Variants in FSTL5 observed in about 807,000 individuals in gnomAD.
FSTL5 encodes follistatin-related protein 5.
A neutral mutation model predicts 89.1 loss-of-function variants in FSTL5; 62 were observed. The ratio of observed to expected loss-of-function variants is 0.70; its 90% confidence interval spans 0.57 to 0.86. FSTL5 has a LOEUF of 0.86. Ranked by LOEUF, FSTL5 falls within the 40% of genes least tolerant of loss-of-function variation. The pLI, the probability that FSTL5 is intolerant of heterozygous loss-of-function variation, is 0.00. For missense variants in FSTL5, 1,057 were observed against 1,001.6 expected (o/e 1.06, Z -0.75); for synonymous variants, 383 against 346.2 (o/e 1.11, Z -1.18).
intron 3 of FSTL5, among the ~76,000 whole-genome samples, chr4:161,921,066 T>C (rs1035952357): frequency 2.6e-5 from 4 of 152,152 alleles, no homozygotes; most frequent in African/African-American, 9.7e-5. Flanking sequence ...GTTCGAACTA[T>C]TACATGTGAT....
chr4:161,982,494 TTTCCCAC>T (rs1474194927), intron 3 of FSTL5, among the ~76,000 whole-genome samples: 1 of 152,204 alleles, frequency 6.6e-6, no homozygotes, highest in African/African-American at 2.4e-5. Flanking sequence ...ATACAAATAT[TTTCCCAC>T]TCTTGTGTTT....
At chr4:161,700,624 G>A (rs139832172) in intron 6 of FSTL5, among the ~76,000 whole-genome samples, 4,004 of 152,072 alleles carry the variant, frequency 0.026, 71 homozygotes, top group Non-Finnish European at 0.038. Flanking sequence ...CAATCCACCC[G>A]CCTGGGCCTC....
At chr4:161,437,580 A>AAAAAAAAAAAAC (rs1560894861) in intron 15 of FSTL5, among the ~76,000 whole-genome samples, 1 of 147,496 alleles carries the variant, frequency 6.8e-6, no homozygotes, top group South Asian at 2.2e-4. Context: ...AAAAAAAAAA[A>AAAAAAAAAAAAC]AACGAGGTCA....
chr4:161,887,612 T>A (rs1317199421), intron 4 of FSTL5, among the ~76,000 whole-genome samples: 2 of 152,166 alleles, frequency 1.3e-5, no homozygotes, highest in Non-Finnish European at 2.9e-5. Flanking sequence ...TTTTCTTAAA[T>A]TCATCTCTCT....
At chr4:161,757,911 G>T (rs1286411327) in intron 6 of FSTL5, among the ~76,000 whole-genome samples, 1 of 152,064 alleles carries the variant, frequency 6.6e-6, no homozygotes, top group Non-Finnish European at 1.5e-5. Context: ...GAGCCACTGC[G>T]CCCTGCCAAT....
intron 12 of FSTL5, among the ~76,000 whole-genome samples, chr4:161,493,855 C>T (rs1001879505): frequency 2.0e-5 from 3 of 152,048 alleles, no homozygotes; most frequent in East Asian, 3.9e-4. Context: ...TATCGATAAT[C>T]TCTTGAAAGG....
At chr4:161,422,905 G>C (rs1404225272) in intron 15 of FSTL5, among the ~76,000 whole-genome samples, 3 of 152,134 alleles carry the variant, frequency 2.0e-5, no homozygotes, top group African/African-American at 7.2e-5. Flanking sequence ...TATTTGGAAA[G>C]GCATTTATAT....
chr4:162,160,711 A>G (rs193278417), intron 1 of FSTL5, among the ~76,000 whole-genome samples: 1 of 151,826 alleles, frequency 6.6e-6, no homozygotes, highest in Admixed American at 6.6e-5. Context: ...TAGGCAAATA[A>G]CTTCTTAAAT....
At chr4:161,422,627 G>A (rs1402725052) in intron 15 of FSTL5, among the ~76,000 whole-genome samples, 2 of 152,094 alleles carry the variant, frequency 1.3e-5, no homozygotes, top group African/African-American at 2.4e-5. Flanking sequence ...TGTATGTATC[G>A]CTAACCCTTG....
intron 2 of FSTL5, among the ~76,000 whole-genome samples, chr4:162,043,473 G>A (rs1170395197): frequency 2.6e-4 from 39 of 152,150 alleles, no homozygotes. Context: ...AGCCTTCAGT[G>A]AGTCACAAGT....
At chr4:161,783,387 G>A (rs999919379) in intron 4 of FSTL5, among the ~76,000 whole-genome samples, 5 of 151,548 alleles carry the variant, frequency 3.3e-5, no homozygotes, top group East Asian at 2.0e-4. Flanking sequence ...ATTTTTTTCC[G>A]GGTAACCTAT....
chr4:161,405,650 C>T (rs1053756874), intron 15 of FSTL5, among the ~76,000 whole-genome samples: 1 of 152,114 alleles, frequency 6.6e-6, no homozygotes, highest in Non-Finnish European at 1.5e-5. Context: ...ATGGCCAACA[C>T]TTTCCAAATT....
chr4:162,043,938 C>T (rs779029362), intron 2 of FSTL5, among the ~76,000 whole-genome samples: 13 of 152,088 alleles, frequency 8.5e-5, no homozygotes, highest in African/African-American at 1.4e-4. Context: ...TTGCTATTTC[C>T]ACAACATCTG....
chr4:161,416,513 A>G (rs1333164105), intron 15 of FSTL5, among the ~76,000 whole-genome samples: 1 of 152,174 alleles, frequency 6.6e-6, no homozygotes, highest in East Asian at 1.9e-4. Flanking sequence ...TTAATCCACC[A>G]GCACATTTTT....
intron 8 of FSTL5, among the ~76,000 whole-genome samples, chr4:161,567,207 A>G (rs1375518536): frequency 6.6e-6 from 1 of 152,140 alleles, no homozygotes; most frequent in Non-Finnish European, 1.5e-5. Flanking sequence ...ATTACACACA[A>G]TAAAGATCTG....
intron 6 of FSTL5, among the ~76,000 whole-genome samples, chr4:161,697,145 T>C (rs977005748): frequency 6.6e-6 from 1 of 152,204 alleles, no homozygotes; most frequent in Non-Finnish European, 1.5e-5. Context: ...TAGGCATCTG[T>C]GAGTCACACC....
At chr4:161,965,304 A>G (rs1578899385) in intron 3 of FSTL5, among the ~76,000 whole-genome samples, 1 of 152,066 alleles carries the variant, frequency 6.6e-6, no homozygotes, top group African/African-American at 2.4e-5. Flanking sequence ...CCCCTTCTAC[A>G]TCTTATGGAC....
At chr4:161,772,375 G>T (rs752344894) in intron 5 of FSTL5, among the ~76,000 whole-genome samples, 7 of 151,752 alleles carry the variant, frequency 4.6e-5, no homozygotes, top group African/African-American at 1.7e-4. Flanking sequence ...CAATATTAAA[G>T]GGCATGCAAA....
chr4:162,019,925 G>T (rs1469765775), intron 3 of FSTL5, among the ~76,000 whole-genome samples: 1 of 149,278 alleles, frequency 6.7e-6, no homozygotes, highest in Non-Finnish European at 1.5e-5. Flanking sequence ...ACATTGTTGT[G>T]AATTTAATAT....
Sources: gnomAD v4.1 joint callset for allele counts (sites outside exome capture counted in the v4.1 genomes callset) on GRCh38, gnomAD v4.1.1 for gene constraint, MANE v1.5 for transcripts, NCBI Gene and HGNC (gene_info 2026-07-23, HGNC 2026-07-21) for gene names.